Variants in GLIS3 observed in about 807,000 individuals in gnomAD.
GLIS3 encodes zinc finger protein GLIS3.
In GLIS3, 53 loss-of-function variants were observed where a neutral mutation model predicts 78.6. The observed-to-expected ratio is 0.67, with a 90% CI of 0.54 to 0.85. GLIS3 has a LOEUF of 0.85. Ranked by LOEUF, GLIS3 falls within the 40% of genes least tolerant of loss-of-function variation. The probability of loss-of-function intolerance (pLI) is 0.00; values close to 1 mark genes in which losing one functional copy is unlikely to be tolerated. For missense variants in GLIS3, 1,703 were observed against 1,231.1 expected (o/e 1.38, Z -5.74); for synonymous variants, 684 against 509.9 (o/e 1.34, Z -4.60).
chr9:4,130,042 G>A (rs1248406362), intron 2 of GLIS3, among the ~76,000 whole-genome samples: 1 of 152,208 alleles, frequency 6.6e-6, no homozygotes, highest in Non-Finnish European at 1.5e-5. Flanking sequence ...TTGTGCCCCT[G>A]CTCTCGGGAT....
In GLIS3 at chr9:4,207,467, T is replaced by C. The variant is rs143329662; in HGVS notation, c.388+78571A>G. Among the ~76,000 whole-genome samples the C allele has an allele frequency of 1.1e-3, 164 of 152,360 alleles. 1 individual carries two copies. The highest frequency in any genetic ancestry group is 3.4e-3 in the Middle Eastern group (1 of 294). Reference sequence around the variant, plus strand: ...TCATTATGCCTTTACCTCAAAATGATGCTTATGGAGCAATTTAGAGACAGG... The same window carrying C: ...TCATTATGCCTTTACCTCAAAATGACGCTTATGGAGCAATTTAGAGACAGG... On this transcript the variant is annotated intron_variant, in intron 2 of 10. Coordinates refer to ENST00000381971, the MANE Select transcript of GLIS3 (RefSeq NM_001042413.2).
intron 10 of GLIS3, 55 bp from the exon 11 acceptor site, chr9:3,828,463 C>A: frequency 1.2e-6 from 2 of 1,605,934 alleles, no homozygotes; most frequent in Non-Finnish European, 8.5e-7. Flanking sequence ...GCCACGCCCA[C>A]TGGAAATGCA....
chr9:4,310,326 G>A (rs942619627), intron 3 of GLIS3: 1 of 152,196 alleles, frequency 6.6e-6, no homozygotes, highest in East Asian at 1.9e-4. Context: ...CTTCTATACT[G>A]TATTGATAGA....
chr9:4,160,848 T>C, intron 2 of GLIS3, among the ~76,000 whole-genome samples: 1 of 152,156 alleles, frequency 6.6e-6, no homozygotes, highest in East Asian at 1.9e-4. Flanking sequence ...GTAAACCAGG[T>C]AGTCACCTGT....
chr9:4,153,318 C>T (rs1166799428), intron 2 of GLIS3, among the ~76,000 whole-genome samples: 1 of 152,194 alleles, frequency 6.6e-6, no homozygotes, highest in African/African-American at 2.4e-5. Flanking sequence ...AATCCCAGCA[C>T]TTTGGGAGGC....
intron 4 of GLIS3, among the ~76,000 whole-genome samples, chr9:3,947,310 T>C (rs566056411): frequency 1.3e-5 from 2 of 152,362 alleles, no homozygotes; most frequent in East Asian, 3.9e-4. Context: ...CTATGGTGTT[T>C]CCCAAAACGA....
chr9:4,148,631 A>G (rs1038498265), intron 2 of GLIS3, among the ~76,000 whole-genome samples: 11 of 152,178 alleles, frequency 7.2e-5, no homozygotes, highest in Admixed American at 3.3e-4. Flanking sequence ...CCATCACCCC[A>G]GAATATTAGG....
chr9:4,032,784 C>G lies in GLIS3; in HGVS notation c.1710+84984G>C, dbSNP rs115220170. ...TGTCACCAGGATGCCCCTGCCCCCA[C>G]TGCCAATAGCATTCTCCTTTTAAGT... is the stretch of plus-strand genomic sequence containing the variant. On this transcript the variant is annotated intron_variant, in intron 4 of 10. Coordinates refer to ENST00000381971, the MANE Select transcript of GLIS3 (RefSeq NM_001042413.2). 1.7e-4 allele frequency among the ~76,000 whole-genome samples: 26 copies of G among 152,302 alleles called. 2 individuals are homozygous for G. In the South Asian group the frequency reaches 5.4e-3, roughly 32 times the overall value.
intron 4 of GLIS3, among the ~76,000 whole-genome samples, chr9:3,978,245 T>G (rs1397923919): frequency 3.3e-5 from 5 of 151,946 alleles, no homozygotes; most frequent in Non-Finnish European, 7.4e-5. Context: ...TAATGAAGAG[T>G]TGTCATTGTA....
At chr9:4,231,790 C>T (rs973362531) in intron 2 of GLIS3, among the ~76,000 whole-genome samples, 2 of 151,946 alleles carry the variant, frequency 1.3e-5, no homozygotes, top group African/African-American at 4.8e-5. Context: ...AAATTTTTAC[C>T]AATGTAAACA....
intron 4 of GLIS3, 79 bp downstream of exon 4, chr9:4,117,689 C>G (rs1382443540): frequency 6.4e-7 from 1 of 1,550,666 alleles, no homozygotes; most frequent in African/African-American, 1.4e-5. Context: ...ACTCCATGGG[C>G]CGAGTTAGGA....
At chr9:4,310,364 G>C (rs901094033) in intron 3 of GLIS3, 2 of 152,020 alleles carry the variant, frequency 1.3e-5, no homozygotes, top group Non-Finnish European at 1.5e-5. Context: ...GCCAGTTTCC[G>C]AGTGAATGGG....
chr9:4,205,038 TG>T (rs1819741155), intron 2 of GLIS3, among the ~76,000 whole-genome samples: 1 of 151,944 alleles, frequency 6.6e-6, no homozygotes, highest in African/African-American at 2.4e-5. Context: ...TAGCTGGGCG[TG>T]GTGGTTCACA....
At chr9:4,161,227 C>T (rs568718957) in intron 2 of GLIS3, among the ~76,000 whole-genome samples, 19 of 152,128 alleles carry the variant, frequency 1.2e-4, no homozygotes, top group Middle Eastern at 3.4e-3. Flanking sequence ...GAGCCATGAT[C>T]GTGCTACTGC....
the GLIS3 span, among the ~76,000 whole-genome samples, chr9:4,355,672 G>A: frequency 6.6e-6 from 1 of 152,148 alleles, no homozygotes; most frequent in African/African-American, 2.4e-5. Context: ...AACAGCTAGG[G>A]ACACTAACTC....
At chr9:4,250,522 G>C (rs947932091) in intron 2 of GLIS3, among the ~76,000 whole-genome samples, 3 of 151,642 alleles carry the variant, frequency 2.0e-5, no homozygotes, top group African/African-American at 7.3e-5. Context: ...TATTAGTTTT[G>C]CTAGCAGTCT....
At chr9:4,427,221 T>G in the GLIS3 span, among the ~76,000 whole-genome samples, 3 of 152,188 alleles carry the variant, frequency 2.0e-5, no homozygotes, top group Non-Finnish European at 4.4e-5. Flanking sequence ...GGAAAAACCA[T>G]CCTGATTGCA....
chr9:4,145,201 T>C (rs1266015092), intron 2 of GLIS3: 3 of 152,158 alleles, frequency 2.0e-5, no homozygotes, highest in African/African-American at 7.2e-5. Context: ...AGTGGGCAAG[T>C]CTTTGGGATG....
chr9:4,152,188 G>C (rs1834736752), intron 2 of GLIS3: 2 of 901,988 alleles, frequency 2.2e-6, no homozygotes, highest in East Asian at 1.2e-4. Flanking sequence ...AAGGATGTGT[G>C]AGCCTCAGGA....
Sources: allele counts gnomAD v4.1 joint callset (sites outside exome capture counted in the v4.1 genomes callset), GRCh38; gene constraint gnomAD v4.1.1; transcripts MANE v1.5; gene names NCBI Gene and HGNC (gene_info 2026-07-23, HGNC 2026-07-21).